The following TRAPPC9 variants were observed in gnomAD, a reference collection of about 807,000 sequenced individuals.
TRAPPC9 encodes the protein trafficking protein particle complex subunit 9.
TRAPPC9 carries 83 observed loss-of-function variants against 124.0 expected under a neutral mutation model. The ratio of observed to expected loss-of-function variants is 0.67; its 90% CI spans 0.56 to 0.80. The LOEUF is 0.80. TRAPPC9 is among the 30% of genes least tolerant of loss of function. The pLI is 0.00. For synonymous variants in TRAPPC9, 638 were observed against 617.5 expected, an observed-to-expected ratio of 1.03 and a Z score of -0.49; for missense variants, 1,302 against 1,508.3, an observed-to-expected ratio of 0.86 and a Z score of 2.27.
intron 11 of TRAPPC9, among the ~76,000 whole-genome samples, chr8:140,299,292 G>A (rs1662605838): frequency 6.6e-6 from 1 of 152,128 alleles, no homozygotes; most frequent in Non-Finnish European, 1.5e-5. Context: ...CAGAGCGGGA[G>A]GGGTGTGGGC....
intron 14 of TRAPPC9, among the ~76,000 whole-genome samples, chr8:140,279,454 A>C (rs1278501779): frequency 6.6e-6 from 1 of 152,236 alleles, no homozygotes; most frequent in Non-Finnish European, 1.5e-5. Flanking sequence ...TATTTCAGGA[A>C]GTCACCTTAG....
chr8:139,748,986 A>C (rs562757840), intron 21 of TRAPPC9, among the ~76,000 whole-genome samples: 1 of 152,242 alleles, frequency 6.6e-6, no homozygotes, highest in Non-Finnish European at 1.5e-5. Context: ...AGACAGCAGG[A>C]GGAAGACATT....
At chr8:140,160,239 G>A (rs1175561813) in intron 17 of TRAPPC9, among the ~76,000 whole-genome samples, 1 of 152,162 alleles carries the variant, frequency 6.6e-6, no homozygotes, top group African/African-American at 2.4e-5. Context: ...ACAGTGTGGC[G>A]ATCCCTCAAG....
chr8:140,279,289 T>C (rs760106211), intron 14 of TRAPPC9, among the ~76,000 whole-genome samples: 1 of 152,216 alleles, frequency 6.6e-6, no homozygotes, highest in Non-Finnish European at 1.5e-5. Flanking sequence ...GCATTTTTTA[T>C]TCATTGCATT....
intron 21 of TRAPPC9, among the ~76,000 whole-genome samples, chr8:139,787,716 G>C (rs970703404): frequency 6.6e-5 from 10 of 152,228 alleles, no homozygotes; most frequent in Admixed American, 3.9e-4. Flanking sequence ...GTTTTTCAAC[G>C]TCCCTGTCCG....
At chr8:140,140,461 A>G (rs1343678939) in intron 17 of TRAPPC9, among the ~76,000 whole-genome samples, 1 of 152,102 alleles carries the variant, frequency 6.6e-6, no homozygotes, top group Non-Finnish European at 1.5e-5. Flanking sequence ...GATATTTAAT[A>G]CCTTGCTTTC....
chr8:140,297,902 C>A (rs1290467984), intron 11 of TRAPPC9, among the ~76,000 whole-genome samples: 1 of 152,208 alleles, frequency 6.6e-6, no homozygotes, highest in Non-Finnish European at 1.5e-5. Context: ...GGTAATAGGT[C>A]TGTCCCACAC....
chr8:140,047,871 G>A (rs765236588), intron 17 of TRAPPC9, among the ~76,000 whole-genome samples: 2 of 152,192 alleles, frequency 1.3e-5, no homozygotes, highest in East Asian at 3.9e-4. Flanking sequence ...AGCAGAGGTC[G>A]GGGCAGAAGT....
chr8:140,258,214 C>A (rs1471343690), intron 15 of TRAPPC9, among the ~76,000 whole-genome samples: 3 of 152,186 alleles, frequency 2.0e-5, no homozygotes, highest in African/African-American at 7.2e-5. Context: ...TCAGACACGG[C>A]CTGAGGGAGC....
intron 2 of TRAPPC9, among the ~76,000 whole-genome samples, chr8:140,441,056 G>A (rs1251952696): frequency 7.2e-6 from 1 of 138,080 alleles, no homozygotes; most frequent in Non-Finnish European, 1.5e-5. Context: ...ACAGCTCACT[G>A]CAACCTCCAA....
At chr8:139,885,820 GC>G (rs1161418553) in intron 21 of TRAPPC9, 58 bp downstream of exon 21, 3 of 1,497,430 alleles carry the variant, frequency 2.0e-6, no homozygotes, top group Admixed American at 3.9e-5. Context: ...CCTTGCTCGT[GC>G]ATTTGGAGAA....
In TRAPPC9 at chr8:140,064,198, C is replaced by A. The variant is rs1334566438; in HGVS notation, c.2557-40119G>T. Reference sequence around the variant, plus strand: ...CCAATTATACACTAACCCACATGACCCTTTCCTGGAAAATATGAAAAATAG... The same window carrying A: ...CCAATTATACACTAACCCACATGACACTTTCCTGGAAAATATGAAAAATAG... On this transcript the variant is annotated intron_variant, in intron 17 of 22. Transcript: ENST00000438773. Among the ~76,000 whole-genome samples the A allele has an allele frequency of 2.0e-5, 3 of 152,160 alleles. No homozygotes were observed. In the East Asian group the frequency reaches 5.8e-4, roughly 29 times the overall value.
At chr8:140,281,252 C>T (rs755498040) in intron 14 of TRAPPC9, among the ~76,000 whole-genome samples, 38 of 152,214 alleles carry the variant, frequency 2.5e-4, no homozygotes, top group Non-Finnish European at 4.0e-4. Context: ...GCATCCCCAT[C>T]GGCCTCGCAC....
intron 21 of TRAPPC9, among the ~76,000 whole-genome samples, chr8:139,759,386 A>G (rs193088318): frequency 6.6e-6 from 1 of 152,272 alleles, no homozygotes; most frequent in Admixed American, 6.5e-5. Context: ...CTCTGAGATG[A>G]GTACTATTGC....
intron 17 of TRAPPC9, among the ~76,000 whole-genome samples, chr8:140,112,127 C>T (rs943549799): frequency 6.6e-6 from 1 of 152,244 alleles, no homozygotes; most frequent in South Asian, 2.1e-4. Context: ...GCTCGCCTTG[C>T]CTTGGGCACG....
intron 16 of TRAPPC9, among the ~76,000 whole-genome samples, chr8:140,225,901 A>G (rs1029171461): frequency 6.6e-6 from 1 of 152,210 alleles, no homozygotes; most frequent in African/African-American, 2.4e-5. Context: ...CAACGCTTTT[A>G]TCTCCTGAAG....
At chr8:139,917,196 C>T (rs1450916979) in intron 19 of TRAPPC9, among the ~76,000 whole-genome samples, 9 of 32,986 alleles carry the variant, frequency 2.7e-4, no homozygotes, top group African/African-American at 3.9e-4. Flanking sequence ...TTTGTTGAGA[C>T]GGAGTCTCGC....
intron 19 of TRAPPC9, among the ~76,000 whole-genome samples, chr8:139,968,777 C>A (rs1232388039): frequency 6.6e-6 from 1 of 152,240 alleles, no homozygotes; most frequent in Non-Finnish European, 1.5e-5. Flanking sequence ...AAGGGAGGTA[C>A]TGACATCATC....
chr8:140,297,828 G>T (rs541407906), intron 11 of TRAPPC9, among the ~76,000 whole-genome samples: 1 of 152,236 alleles, frequency 6.6e-6, no homozygotes, highest in East Asian at 1.9e-4. Context: ...AACTTCTCAC[G>T]TTTGTGTCTT....
Sources: allele counts gnomAD v4.1 joint callset (sites outside exome capture counted in the v4.1 genomes callset), GRCh38; gene constraint gnomAD v4.1.1; transcripts MANE v1.5; gene names NCBI Gene and HGNC (gene_info 2026-07-23, HGNC 2026-07-21).